Variants in PTPRD observed in about 807,000 individuals in gnomAD.
The protein encoded by PTPRD is protein tyrosine phosphatase receptor type D, also known as receptor-type tyrosine-protein phosphatase delta.
PTPRD carries 34 observed loss-of-function variants against 214.5 expected under a neutral mutation model. That is an observed-to-expected ratio of 0.16 (90% CI 0.12 to 0.21). PTPRD has a LOEUF of 0.21. PTPRD is among the 10% of genes least tolerant of loss of function. The pLI is 1.00. For synonymous variants in PTPRD, 1,128 were observed against 845.7 expected, an observed-to-expected ratio of 1.33 and a Z score of -5.79; for missense variants, 2,545 against 2,398.7, an observed-to-expected ratio of 1.06 and a Z score of -1.27.
chr9:9,021,464 T>A (rs891870767), intron 10 of PTPRD, among the ~76,000 whole-genome samples: 2 of 152,212 alleles, frequency 1.3e-5, no homozygotes, highest in Admixed American at 6.6e-5. Context: ...TAATACTTGA[T>A]AATCAATGAC....
chr9:9,007,433 T>C (rs1457413030), intron 11 of PTPRD, among the ~76,000 whole-genome samples: 2 of 151,236 alleles, frequency 1.3e-5, no homozygotes, highest in Non-Finnish European at 2.9e-5. Context: ...TTTGTACAAC[T>C]ATACCTTCAA....
chr9:8,485,844 A>G lies in PTPRD; in HGVS notation c.2973T>C (p.Asp991=), dbSNP rs763952043. The change falls in exon 28 of 46, where the codon GAT becomes GAC. Residue 991 remains aspartate (D), a synonymous_variant. Transcript: ENST00000381196. ...TGCTCGTATGAGCACGTACTTTTAC[A>G]TCGTATGTGGTATCTGGTTTTAAGC... ...LTGLKPDTTY[D]VKVRAHTSKG... is the part of the protein sequence containing the mutation. 13 of 1,614,024 alleles carry G rather than the reference A, an allele frequency of 8.1e-6. No homozygotes were observed. In the East Asian group the frequency reaches 1.8e-4, roughly 22 times the overall value.
intron 35 of PTPRD, among the ~76,000 whole-genome samples, chr9:8,409,329 G>T (rs10977059): frequency 0.14 from 21,892 of 152,098 alleles, 1,846 homozygotes; most frequent in Non-Finnish European, 0.19. Flanking sequence ...TCTGGCCCTG[G>T]AGGCTGAGGG....
At chr9:9,637,863 G>C (rs748514989) in intron 7 of PTPRD, among the ~76,000 whole-genome samples, 5 of 152,120 alleles carry the variant, frequency 3.3e-5, no homozygotes, top group Admixed American at 6.6e-5. Context: ...GAGACTCTCT[G>C]AGGCATCTTC....
intron 3 of PTPRD, among the ~76,000 whole-genome samples, chr9:10,293,860 T>G (rs1438833403): frequency 6.6e-6 from 1 of 151,924 alleles, no homozygotes; most frequent in Non-Finnish European, 1.5e-5. Context: ...TACTACTGAT[T>G]TGTTGAAATG....
intron 2 of PTPRD, among the ~76,000 whole-genome samples, chr9:10,364,386 A>C (rs1188178297): frequency 6.6e-6 from 1 of 152,196 alleles, no homozygotes; most frequent in Admixed American, 6.5e-5. Context: ...TTGATGGGCT[A>C]ATCAAGGACT....
intron 13 of PTPRD, among the ~76,000 whole-genome samples, chr9:8,635,682 C>G (rs1212834655): frequency 6.6e-6 from 1 of 151,936 alleles, no homozygotes; most frequent in Non-Finnish European, 1.5e-5. Context: ...CTTTAATCTG[C>G]CAAACTGTAA....
intron 14 of PTPRD, among the ~76,000 whole-genome samples, chr9:8,600,583 A>T (rs183756268): frequency 6.6e-6 from 1 of 151,888 alleles, no homozygotes; most frequent in East Asian, 2.0e-4. Flanking sequence ...CAGCCACAGT[A>T]GGATGGGGCA....
chr9:10,101,170 C>G (rs1156335075), intron 3 of PTPRD, among the ~76,000 whole-genome samples: 1 of 151,578 alleles, frequency 6.6e-6, no homozygotes, highest in Admixed American at 6.6e-5. Flanking sequence ...AACTGCTTGG[C>G]TCATGACTGA....
intron 4 of PTPRD, among the ~76,000 whole-genome samples, chr9:9,986,389 G>A (rs992783388): frequency 6.6e-6 from 1 of 152,058 alleles, no homozygotes; most frequent in South Asian, 2.1e-4. Context: ...TGATATAATG[G>A]AATACTATGT....
intron 5 of PTPRD, among the ~76,000 whole-genome samples, chr9:9,809,535 A>G (rs1243436982): frequency 2.6e-5 from 4 of 152,144 alleles, no homozygotes; most frequent in Admixed American, 2.6e-4. Context: ...AAGTGCTGGG[A>G]TTACAGGCGT....
chr9:8,378,989 C>T (rs532519797), intron 37 of PTPRD, among the ~76,000 whole-genome samples: 3 of 151,976 alleles, frequency 2.0e-5, no homozygotes, highest in Non-Finnish European at 2.9e-5. Flanking sequence ...ACTCTGACCC[C>T]TTTAGAAAAA....
At chr9:9,947,499 A>T (rs1260425377) in intron 4 of PTPRD, among the ~76,000 whole-genome samples, 9 of 29,938 alleles carry the variant, frequency 3.0e-4, no homozygotes, top group Admixed American at 7.6e-4. Flanking sequence ...TATTATATAT[A>T]TTTTATATAT....
chr9:10,084,879 C>T (rs2098306076), intron 3 of PTPRD, among the ~76,000 whole-genome samples: 1 of 151,888 alleles, frequency 6.6e-6, no homozygotes, highest in South Asian at 2.1e-4. Flanking sequence ...ATAAATCTTA[C>T]AGAAACCCTA....
intron 4 of PTPRD, among the ~76,000 whole-genome samples, chr9:10,026,887 G>A (rs1014732438): frequency 2.0e-5 from 3 of 151,280 alleles, no homozygotes; most frequent in African/African-American, 7.3e-5. Context: ...AAAAAGACGT[G>A]AGAAGGATAT....
intron 30 of PTPRD, among the ~76,000 whole-genome samples, chr9:8,477,387 T>C (rs2096786504): frequency 6.6e-6 from 1 of 152,204 alleles, no homozygotes; most frequent in South Asian, 2.1e-4. Context: ...TTCAGAGTTT[T>C]AATTATATTA....
intron 3 of PTPRD, among the ~76,000 whole-genome samples, chr9:10,231,312 G>A (rs1210127304): frequency 6.6e-6 from 1 of 151,370 alleles, no homozygotes; most frequent in Admixed American, 6.6e-5. Flanking sequence ...AGGCTGTGAG[G>A]GGGGAAAACA....
chr9:9,748,183 A>G (rs2098477333), intron 6 of PTPRD, among the ~76,000 whole-genome samples: 1 of 152,172 alleles, frequency 6.6e-6, no homozygotes, highest in Admixed American at 6.5e-5. Flanking sequence ...TGGTGCATAT[A>G]AAGATAGTAT....
chr9:9,239,123 A>G (rs1486895467), intron 9 of PTPRD, among the ~76,000 whole-genome samples: 6 of 152,000 alleles, frequency 3.9e-5, no homozygotes, highest in African/African-American at 7.2e-5. Flanking sequence ...CTTCTCTAGA[A>G]CTATGCTTAT....
Sources: allele counts gnomAD v4.1 joint callset (sites outside exome capture counted in the v4.1 genomes callset), GRCh38; gene constraint gnomAD v4.1.1; transcripts MANE v1.5; gene names NCBI Gene and HGNC (gene_info 2026-07-23, HGNC 2026-07-21).